The following OSBPL1A variants were observed in gnomAD, a reference collection of about 807,000 sequenced individuals.
OSBPL1A encodes the protein oxysterol-binding protein-related protein 1.
A neutral mutation model predicts 137.1 loss-of-function variants in OSBPL1A; 80 were observed. The observed-to-expected ratio is 0.58, with a 90% CI of 0.49 to 0.70. The LOEUF is 0.70. Among genes scored for constraint, OSBPL1A ranks in the 30% least tolerant of loss-of-function variants. OSBPL1A has a pLI of 0.00. For missense variants in OSBPL1A, 970 were observed against 1,129.4 expected (o/e 0.86, Z 2.02); for synonymous variants, 365 against 389.7 (o/e 0.94, Z 0.75).
At chr18:24,224,073 C>T (rs1019278141) in intron 17 of OSBPL1A, among the ~76,000 whole-genome samples, 1 of 152,000 alleles carries the variant, frequency 6.6e-6, no homozygotes, top group Admixed American at 6.6e-5. Context: ...AACCTCTAAC[C>T]CAACAGAAGA....
In OSBPL1A at chr18:24,358,493, A is replaced by G. The variant is rs1233510894; in HGVS notation, c.282+8399T>C. The G allele has an allele frequency of 5.7e-6, 4 of 702,336 alleles. No homozygotes were observed. The South Asian group carries it at 5.9e-5, about 10-fold the overall frequency. The allele number at this position is 702,336 out of a possible 1,614,324, so 43.5% of individuals were successfully genotyped here. ...CCTGCTGCCCACTCATCTCCATCTC[A>G]GCTTCCCTGAGAACAGATCTAGAAC... is the stretch of plus-strand genomic sequence containing the variant. On this transcript the variant is annotated intron_variant, in intron 4 of 27. Coordinates refer to ENST00000319481, the MANE Select transcript of OSBPL1A (RefSeq NM_080597.4).
At position 24,196,108 on chromosome 18, in the gene OSBPL1A, C is replaced by T. The variant is rs1160517292; in HGVS notation, c.1677+17G>A. The T allele has an allele frequency of 1.3e-6, 2 of 1,589,548 alleles. No individual in the cohort carries two copies. Among genetic ancestry groups the T allele is most frequent in the East Asian group, 2.2e-5 (1 of 44,754 alleles). ...AACATATCTGCTTAATATCATATGACAAAACCATTAATTTACCATTCCAAT... is the reference window on the plus strand; with the variant it reads ...AACATATCTGCTTAATATCATATGATAAAACCATTAATTTACCATTCCAAT... On this transcript the variant is annotated intron_variant, in intron 18 of 27. Transcript: ENST00000319481.
intron 4 of OSBPL1A, chr18:24,347,639 C>T (rs1008983434): frequency 2.6e-5 from 4 of 151,834 alleles, no homozygotes; most frequent in South Asian, 2.1e-4. Context: ...GTCAGGAGTT[C>T]GAGACCAGTC....
intron 13 of OSBPL1A, among the ~76,000 whole-genome samples, chr18:24,307,520 CA>C (rs2090525817): frequency 6.6e-6 from 1 of 152,204 alleles, no homozygotes; most frequent in African/African-American, 2.4e-5. Context: ...TGCAGAGCAA[CA>C]AGTGCTAATT....
Position 24,292,800 on chromosome 18 carries a change from C to G in OSBPL1A, c.1174+10837G>C, listed in dbSNP as rs13381732. 3.3e-5 allele frequency among the ~76,000 whole-genome samples: 5 copies of G among 152,166 alleles called. No individual in the cohort carries two copies. The East Asian group carries it at 9.7e-4, about 29-fold the overall frequency. On this transcript the variant is annotated intron_variant, in intron 14 of 27. Transcript: ENST00000319481. ...AGCTAAGGGTCTCAGCAGGGAAGAG[C>G]TGGCCTGCTCAAAGGTAACTGAGGT...
At chr18:24,316,405 C>T (rs536456244) in intron 11 of OSBPL1A, among the ~76,000 whole-genome samples, 17 of 152,112 alleles carry the variant, frequency 1.1e-4, no homozygotes, top group South Asian at 4.2e-4. Context: ...CTAAAACATA[C>T]GCTATCTCCA....
chr18:24,329,636 GTTAATT>G (rs2091041306), intron 7 of OSBPL1A, among the ~76,000 whole-genome samples: 1 of 151,082 alleles, frequency 6.6e-6, no homozygotes, highest in Non-Finnish European at 1.5e-5. Flanking sequence ...TAACATACCA[GTTAATT>G]TTAATTACAT....
intron 17 of OSBPL1A, among the ~76,000 whole-genome samples, chr18:24,222,417 T>TATTTGGTA (rs1442268688): frequency 6.6e-6 from 1 of 152,162 alleles, no homozygotes; most frequent in Non-Finnish European, 1.5e-5. Flanking sequence ...CCAAATATAA[T>TATTTGGTA]AAGTTGGGTA....
At chr18:24,338,823 C>G (rs1450480666) in intron 5 of OSBPL1A, among the ~76,000 whole-genome samples, 1 of 152,140 alleles carries the variant, frequency 6.6e-6, no homozygotes, top group African/African-American at 2.4e-5. Context: ...AAGCAATTCT[C>G]CTGGCTCACC....
chr18:24,249,475 A>G (rs1385286539), intron 15 of OSBPL1A, among the ~76,000 whole-genome samples: 4 of 152,248 alleles, frequency 2.6e-5, no homozygotes, highest in Non-Finnish European at 5.9e-5. Flanking sequence ...GAGCAATCAC[A>G]GCACCTGATT....
intron 15 of OSBPL1A, among the ~76,000 whole-genome samples, chr18:24,256,037 C>T (rs369850249): frequency 1.2e-4 from 18 of 152,124 alleles, no homozygotes; most frequent in African/African-American, 2.2e-4. Flanking sequence ...TCAAGTGACC[C>T]GCCCGCCTCA....
chr18:24,231,087 CAT>C (rs1040678767), intron 16 of OSBPL1A, among the ~76,000 whole-genome samples: 1 of 152,106 alleles, frequency 6.6e-6, no homozygotes, highest in Non-Finnish European at 1.5e-5. Context: ...CTCTCAAAAA[CAT>C]TAAGAAGTGT....
Position 24,314,262 on chromosome 18 carries a change from T to C in OSBPL1A, c.956A>G (p.Gln319Arg). The change falls in exon 12 of 28, where the codon CAG (glutamine) becomes CGG (arginine). Residue 319 changes from glutamine (Q) to arginine (R), a missense_variant. By Grantham distance (43) the Gln-to-Arg change is conservative (BLOSUM62 1). Around this residue, in one of 2 missense-constraint regions of OSBPL1A, gnomAD observed 647 missense variants for 672.6 expected, o/e 0.96. Transcript: ENST00000319481. Reference protein sequence around the residue: ...HGFRVPKNSLQQSREDWLEAI... With the variant: ...HGFRVPKNSLRQSREDWLEAI... ...CCATAAGATTACCTCTCTTGACTGCTGAAGGCTATTCTTAGGAACCCGGAA... is the reference window on the plus strand; with the variant it reads ...CCATAAGATTACCTCTCTTGACTGCCGAAGGCTATTCTTAGGAACCCGGAA... 1 of 1,603,692 alleles carries C rather than the reference T, an allele frequency of 6.2e-7. No individual in the cohort carries two copies.
intron 1 of OSBPL1A, among the ~76,000 whole-genome samples, chr18:24,393,243 ATT>A (rs934530332): frequency 6.6e-6 from 1 of 152,232 alleles, no homozygotes; most frequent in African/African-American, 2.4e-5. Flanking sequence ...GAAAACTGAC[ATT>A]TGTGATGACA....
At chr18:24,291,524 CAT>C (rs1568004771) in intron 14 of OSBPL1A, among the ~76,000 whole-genome samples, 1 of 152,090 alleles carries the variant, frequency 6.6e-6, no homozygotes, top group Non-Finnish European at 1.5e-5. Context: ...GAAGGCTCAA[CAT>C]ATGTCTATTA....
intron 15 of OSBPL1A, among the ~76,000 whole-genome samples, chr18:24,267,767 G>A (rs888166648): frequency 4.6e-5 from 7 of 151,128 alleles, no homozygotes; most frequent in Admixed American, 4.6e-4. Flanking sequence ...TATATGAAAG[G>A]AAACTCTTTA....
chr18:24,271,756 C>G lies in OSBPL1A; in HGVS notation c.1281+9086G>C, dbSNP rs964924810. On this transcript the variant is annotated intron_variant, in intron 15 of 27. Coordinates refer to ENST00000319481, the MANE Select transcript of OSBPL1A (RefSeq NM_080597.4). This position sits in a 1 kb window ranked among gnomAD's most constrained non-coding sequence, Gnocchi z 4.0. ...GGCGAGCCGATCCGGGAGGCGCGAC[C>G]CAGGGCGGCCCGCAAGGTCTCCCTA... The G allele has an allele frequency of 2.0e-6, 2 of 985,572 alleles. No individual in the cohort carries two copies. The highest frequency in any genetic ancestry group is 1.2e-6 in the Non-Finnish European group (1 of 830,088). 61.1% of individuals were successfully genotyped at this position (985,572 alleles called of 1,614,324 possible).
At chr18:24,204,897 TTGTA>T (rs1477386333) in intron 17 of OSBPL1A, among the ~76,000 whole-genome samples, 1 of 152,194 alleles carries the variant, frequency 6.6e-6, no homozygotes, top group African/African-American at 2.4e-5. Context: ...GATCATTGAT[TTGTA>T]TGTTTCAGGG....
At chr18:24,299,103 T>A (rs901665076) in intron 14 of OSBPL1A, among the ~76,000 whole-genome samples, 2 of 152,192 alleles carry the variant, frequency 1.3e-5, no homozygotes, top group African/African-American at 2.4e-5. Flanking sequence ...CCCTTTACCT[T>A]GAGTTTATAT....
Sources: gnomAD v4.1 joint callset for allele counts (sites outside exome capture counted in the v4.1 genomes callset) on GRCh38, gnomAD v4.1.1 for gene constraint, gnomAD v4.1.1 regional missense constraint, Gnocchi (gnomAD v3.1) non-coding constraint, MANE v1.5 for transcripts, NCBI Gene and HGNC (gene_info 2026-07-23, HGNC 2026-07-21) for gene names.